Variants in CTNNA2 observed in about 807,000 individuals in gnomAD.
The protein encoded by CTNNA2 is catenin alpha 2.
Under a neutral mutation model 101.0 loss-of-function variants are expected in CTNNA2, and 42 were observed. That is an observed-to-expected ratio of 0.42 (90% CI 0.32 to 0.54). CTNNA2 has a LOEUF of 0.54. Ranked by LOEUF, CTNNA2 falls within the 20% of genes least tolerant of loss-of-function variation. The probability of loss-of-function intolerance (pLI) is 0.14; values close to 1 mark genes in which losing one functional copy is unlikely to be tolerated. For missense variants in CTNNA2, 871 were observed against 1,223.1 expected, an observed-to-expected ratio of 0.71 and a Z score of 4.29; for synonymous variants, 450 against 456.4, an observed-to-expected ratio of 0.99 and a Z score of 0.18.
intron 7 of CTNNA2, among the ~76,000 whole-genome samples, chr2:79,955,329 G>A (rs769132374): frequency 4.6e-5 from 7 of 152,158 alleles, no homozygotes; most frequent in African/African-American, 7.2e-5. Context: ...ATGAAGGGGA[G>A]TTTCGTGTTA....
intron 7 of CTNNA2, among the ~76,000 whole-genome samples, chr2:80,099,116 C>A (rs1190585780): frequency 6.6e-6 from 1 of 151,880 alleles, no homozygotes; most frequent in Non-Finnish European, 1.5e-5. Flanking sequence ...GAGCTGTAGC[C>A]TGGAGCTGTT....
At chr2:80,423,928 G>T (rs1680752392) in intron 9 of CTNNA2, among the ~76,000 whole-genome samples, 1 of 152,108 alleles carries the variant, frequency 6.6e-6, no homozygotes, top group African/African-American at 2.4e-5. Context: ...ATGGGGGAAG[G>T]GTAGGACTGA....
At chr2:80,478,287 G>A (rs1302382108) in intron 9 of CTNNA2, among the ~76,000 whole-genome samples, 1 of 152,026 alleles carries the variant, frequency 6.6e-6, no homozygotes, top group African/African-American at 2.4e-5. Context: ...GTAGATTCTG[G>A]ATACTAGTCC....
intron 7 of CTNNA2, among the ~76,000 whole-genome samples, chr2:79,930,093 C>T (rs968843816): frequency 5.3e-5 from 8 of 151,658 alleles, no homozygotes; most frequent in African/African-American, 1.5e-4. Context: ...AAAAATTAGC[C>T]GGGTGTGGTG....
chr2:80,038,911 A>G (rs1695850905), intron 7 of CTNNA2, among the ~76,000 whole-genome samples: 1 of 152,148 alleles, frequency 6.6e-6, no homozygotes. Context: ...TTATCAACAC[A>G]TGGACCCCAA....
In CTNNA2 at chr2:79,501,914, T is replaced by C. The variant is rs75973030; in HGVS notation, c.-134-3140T>C. On this transcript the variant is annotated intron_variant, in intron 4 of 21. Transcript: ENST00000466387. ...ACGACCCTGAACCCTCAAATCTCAT[T>C]GAACTTTCTATTGCTAGCAGAAATA... Among the ~76,000 whole-genome samples, 1,517 of 152,022 alleles carry C rather than the reference T, an allele frequency of 1.0e-2. 25 individuals are homozygous for C. Among genetic ancestry groups the C allele is most frequent in the East Asian group, 0.047 (243 of 5,152 alleles).
intron 1 of CTNNA2, among the ~76,000 whole-genome samples, chr2:79,637,545 C>CATT (rs1336294970): frequency 6.6e-6 from 1 of 152,108 alleles, no homozygotes; most frequent in Non-Finnish European, 1.5e-5. Context: ...GGATTAGATC[C>CATT]ATTATCTGTT....
intron 6 of CTNNA2, among the ~76,000 whole-genome samples, chr2:79,885,462 T>TCC (rs1683788041): frequency 1.3e-5 from 2 of 152,224 alleles, no homozygotes; most frequent in Non-Finnish European, 2.9e-5. Context: ...TGACTTATGA[T>TCC]TTCTTCAACA....
At chr2:80,187,529 T>C (rs1379320744) in intron 7 of CTNNA2, among the ~76,000 whole-genome samples, 1 of 152,250 alleles carries the variant, frequency 6.6e-6, no homozygotes, top group Admixed American at 6.5e-5. Flanking sequence ...TTTCCTTTTT[T>C]ACAGAAAACA....
chr2:79,924,759 G>C (rs1297868216), intron 7 of CTNNA2, among the ~76,000 whole-genome samples: 1 of 152,032 alleles, frequency 6.6e-6, no homozygotes, highest in Non-Finnish European at 1.5e-5. Flanking sequence ...ATAAAGCTTA[G>C]TTGGAGGATC....
intron 7 of CTNNA2, among the ~76,000 whole-genome samples, chr2:80,058,895 T>C (rs1373683889): frequency 6.6e-6 from 1 of 152,148 alleles, no homozygotes; most frequent in African/African-American, 2.4e-5. Flanking sequence ...AACCAGGAAA[T>C]GCGTGTCAGC....
At chr2:79,280,082 A>G (rs1266700734) in intron 2 of CTNNA2, among the ~76,000 whole-genome samples, 4 of 152,174 alleles carry the variant, frequency 2.6e-5, no homozygotes, top group Non-Finnish European at 5.9e-5. Flanking sequence ...TCTACAGGAC[A>G]CTAACATTCA....
intron 9 of CTNNA2, among the ~76,000 whole-genome samples, chr2:80,445,779 C>T (rs974770268): frequency 1.3e-5 from 2 of 152,080 alleles, no homozygotes; most frequent in Non-Finnish European, 2.9e-5. Flanking sequence ...AAGACAGTGG[C>T]CTTGGGAACA....
intron 7 of CTNNA2, among the ~76,000 whole-genome samples, chr2:80,007,252 TAATC>T (rs1037406081): frequency 2.0e-5 from 3 of 152,098 alleles, no homozygotes; most frequent in African/African-American, 7.2e-5. Context: ...TAGTCTAACA[TAATC>T]AATTTTCAAA....
intron 7 of CTNNA2, among the ~76,000 whole-genome samples, chr2:80,324,605 A>G (rs1326874966): frequency 3.3e-5 from 5 of 152,268 alleles, no homozygotes; most frequent in African/African-American, 1.2e-4. Flanking sequence ...TGTGGGGGAG[A>G]CTGATTTACA....
chr2:80,322,869 T>A (rs1457021308), intron 7 of CTNNA2, among the ~76,000 whole-genome samples: 1 of 152,186 alleles, frequency 6.6e-6, no homozygotes, highest in Admixed American at 6.5e-5. Flanking sequence ...CCCTAACCTG[T>A]GCCATGGGCA....
chr2:80,064,071 G>A (rs1697800911), intron 7 of CTNNA2, among the ~76,000 whole-genome samples: 1 of 152,190 alleles, frequency 6.6e-6, no homozygotes, highest in African/African-American at 2.4e-5. Flanking sequence ...AGAGGAGAGG[G>A]AGAGGGAGAA....
chr2:79,732,134 T>G (rs1165667791), intron 2 of CTNNA2, among the ~76,000 whole-genome samples: 1 of 152,112 alleles, frequency 6.6e-6, no homozygotes, highest in African/African-American at 2.4e-5. Context: ...TAATTCTTTT[T>G]AGAGTCAGTA....
chr2:79,684,353 C>A (rs1683786225), intron 2 of CTNNA2, among the ~76,000 whole-genome samples: 2 of 152,026 alleles, frequency 1.3e-5, no homozygotes, highest in Admixed American at 1.3e-4. Flanking sequence ...AACATCTGAC[C>A]TCAAATCATT....
Sources: allele counts gnomAD v4.1 joint callset (sites outside exome capture counted in the v4.1 genomes callset), GRCh38; gene constraint gnomAD v4.1.1; transcripts MANE v1.5; gene names NCBI Gene and HGNC (gene_info 2026-07-23, HGNC 2026-07-21).